WFDC1: variants seen among roughly 807,000 people sequenced by gnomAD.
The protein encoded by WFDC1 is WAP four-disulfide core domain protein 1.
In WFDC1, 39 loss-of-function variants were observed where a neutral mutation model predicts 32.9. The ratio of observed to expected loss-of-function variants is 1.19; its 90% CI spans 0.92 to 1.55. The LOEUF (loss-of-function observed/expected upper bound fraction) is 1.55, where lower values mean the gene tolerates loss of function less well. Among genes scored for constraint, WFDC1 ranks in the 40% most tolerant of loss-of-function variants. The probability of loss-of-function intolerance (pLI) is 0.00; values close to 1 mark genes in which losing one functional copy is unlikely to be tolerated. For missense variants in WFDC1, 386 were observed against 309.5 expected (o/e 1.25, Z -1.85); for synonymous variants, 184 against 137.4 (o/e 1.34, Z -2.37).
chr16:84,326,995 G>A, intron 6 of WFDC1, 40 bp downstream of exon 6: 1 of 1,606,100 alleles, frequency 6.2e-7, no homozygotes, highest in Non-Finnish European at 8.5e-7. Context: ...CAGGGTAAAT[G>A]TGGGCAGCCA....
At chr16:84,307,744 G>A (rs972380377) in intron 1 of WFDC1, among the ~76,000 whole-genome samples, 9 of 152,190 alleles carry the variant, frequency 5.9e-5, no homozygotes, top group East Asian at 1.9e-4. Flanking sequence ...ACCACCCTCC[G>A]AAGGAGGCTG....
At chr16:84,305,446 G>A (rs1020865071) in intron 1 of WFDC1, among the ~76,000 whole-genome samples, 8 of 152,226 alleles carry the variant, frequency 5.3e-5, no homozygotes, top group African/African-American at 1.9e-4. Context: ...GTCTTATCCA[G>A]AAATGATGAG....
rs150683526 is a variant in WFDC1 at position 84,297,617 on chromosome 16, C to CAAAAAAAA, written c.144+2525_144+2532dup. ...GGGCAACAAGAGTGAAACTCTGTCT[C>CAAAAAAAA]AAAAAAAAAAAAAAAAAAAAAAAAA... On this transcript the variant is annotated intron_variant, in intron 1 of 6. Coordinates refer to ENST00000219454, the MANE Select transcript of WFDC1 (RefSeq NM_021197.4). Among the ~76,000 whole-genome samples the CAAAAAAAA allele has an allele frequency of 1.2e-4, 8 of 69,458 alleles. 1 individual carries two copies. The highest frequency in any genetic ancestry group is 2.0e-4 in the Admixed American group (1 of 5,014). 45.6% of individuals were successfully genotyped at this position (69,458 alleles called of 152,430 possible). A position where few individuals can be genotyped will look rare whatever the true frequency, so the allele number is the denominator to read the frequency against.
At chr16:84,329,036 T>A (rs1471031886) in intron 6 of WFDC1, 1 of 152,102 alleles carries the variant, frequency 6.6e-6, no homozygotes, top group African/African-American at 2.4e-5. Flanking sequence ...TAGTAAATAA[T>A]TTCGGCTCTC....
Position 84,319,547 on chromosome 16 carries a change from T to C in WFDC1, c.538T>C (p.Cys180Arg). ...VAEGIPNRGQ[C>R]VKQRRQADGR... is the part of the protein sequence containing the mutation. ...CGAAGGTATCCCCAACCGTGGGCAG[T>C]GCGTCAAGCAGCGCCGGCAAGCAGG... Residue 180 changes from cysteine to arginine, a missense_variant, in exon 4 of 7, where the codon TGC (cysteine) becomes CGC (arginine). Physicochemically the swap from Cys to Arg is radical, Grantham distance 180 (BLOSUM62 -3). Transcript: ENST00000219454. 1 of 1,612,834 alleles carries C rather than the reference T, an allele frequency of 6.2e-7. No individual in the cohort carries two copies. Among genetic ancestry groups the C allele is most frequent in the East Asian group, 2.2e-5 (1 of 44,866 alleles).
rs191087880 is a variant in WFDC1, at chr16:84,306,728, C to G, written c.145-6233C>G. On this transcript the variant is annotated intron_variant, in intron 1 of 6. Transcript: ENST00000219454. ...CATGTTAAGCACTTAGAAGGGTGCCCAGCAAACTGCCAGGGTGTGTTGACC... is the reference window on the plus strand; with the variant it reads ...CATGTTAAGCACTTAGAAGGGTGCCGAGCAAACTGCCAGGGTGTGTTGACC... Among the ~76,000 whole-genome samples, 5 of 151,976 alleles carry G rather than the reference C, an allele frequency of 3.3e-5. No homozygotes were observed. In the East Asian group the frequency reaches 9.7e-4, roughly 29 times the overall value.
At chr16:84,322,160 C>CGTGCGTGT (rs1555546147) in intron 4 of WFDC1, among the ~76,000 whole-genome samples, 1 of 142,186 alleles carries the variant, frequency 7.0e-6, no homozygotes, top group Non-Finnish European at 1.5e-5. Context: ...TGTGTGTGTG[C>CGTGCGTGT]GTGTGTGTGT....
intron 4 of WFDC1, among the ~76,000 whole-genome samples, chr16:84,322,738 A>G (rs1320164334): frequency 6.6e-6 from 1 of 152,224 alleles, no homozygotes; most frequent in Non-Finnish European, 1.5e-5. Context: ...TTTATGCAAG[A>G]GGAAAATGAA....
intron 1 of WFDC1, among the ~76,000 whole-genome samples, chr16:84,306,457 C>T (rs751323153): frequency 6.6e-6 from 1 of 152,208 alleles, no homozygotes; most frequent in Non-Finnish European, 1.5e-5. Context: ...AGCAGCGAAT[C>T]CTCAGAAACT....
At chr16:84,316,234 C>T (rs946034624) in intron 2 of WFDC1, 4 of 152,178 alleles carry the variant, frequency 2.6e-5, no homozygotes, top group East Asian at 1.9e-4. Flanking sequence ...TCTGCTGTTC[C>T]AACTTCCATG....
rs2288028 is a variant in WFDC1, at chr16:84,319,356, T to A, written c.422-75T>A. 5.7e-5 allele frequency: 89 copies of A among 1,559,716 alleles called. No individual in the cohort carries two copies. The East Asian group carries it at 2.0e-3, about 35-fold the overall frequency. On this transcript the variant is annotated intron_variant, in intron 3 of 6. Transcript: ENST00000219454. ...GTTCCCTGCACCCGTCCCGGGAGTC[T>A]GCCTTCTAGACCCTAGCATGTGCAC... is the stretch of plus-strand genomic sequence containing the variant.
At chr16:84,301,008 A>G (rs1018597678) in intron 1 of WFDC1, among the ~76,000 whole-genome samples, 7 of 152,070 alleles carry the variant, frequency 4.6e-5, no homozygotes, top group African/African-American at 1.7e-4. Flanking sequence ...GAGACATAGA[A>G]TCAGAGACAC....
At chr16:84,319,266 T>C (rs966506143) in intron 3 of WFDC1, 165 bp from the exon 4 acceptor site, 6 of 870,872 alleles carry the variant, frequency 6.9e-6, no homozygotes, top group African/African-American at 6.8e-5. Flanking sequence ...TGCCGCTGAG[T>C]GAGACCCAGG....
chr16:84,326,803 G>A, intron 5 of WFDC1, 79 bp from the exon 6 acceptor site: 1 of 1,564,920 alleles, frequency 6.4e-7, no homozygotes, highest in Non-Finnish European at 8.8e-7. Flanking sequence ...GCTTCATTTG[G>A]CAGTTCCTGG....
chr16:84,329,086 TAG>T (rs1434286205), intron 6 of WFDC1: 18 of 152,034 alleles, frequency 1.2e-4, no homozygotes, highest in African/African-American at 4.4e-4. Context: ...GAACTGATGG[TAG>T]GGGAGGAGTT....
intron 1 of WFDC1, among the ~76,000 whole-genome samples, chr16:84,307,558 C>T (rs78098679): frequency 0.016 from 2,451 of 152,282 alleles, 61 homozygotes; most frequent in African/African-American, 0.056. Flanking sequence ...TGCGTACCCT[C>T]CCATCTGGGA....
intron 1 of WFDC1, among the ~76,000 whole-genome samples, chr16:84,310,709 G>A (rs1320463035): frequency 3.3e-5 from 5 of 152,114 alleles, no homozygotes; most frequent in Admixed American, 3.3e-4. Flanking sequence ...AAACACAGAT[G>A]GGGCAGAGCC....
intron 6 of WFDC1, chr16:84,328,652 T>G (rs1212402540): frequency 2.0e-5 from 3 of 152,210 alleles, no homozygotes; most frequent in African/African-American, 7.2e-5. Context: ...AGTTTGGAAG[T>G]TGAGGCTTTT....
At chr16:84,326,112 TC>T (rs1908583966) in intron 5 of WFDC1, 2 of 148,934 alleles carry the variant, frequency 1.3e-5, no homozygotes, top group Non-Finnish European at 3.0e-5. Context: ...CATCTATCCA[TC>T]CATCCATCCA....
Sources: allele counts gnomAD v4.1 joint callset (sites outside exome capture counted in the v4.1 genomes callset), GRCh38; gene constraint gnomAD v4.1.1; transcripts MANE v1.5; gene names NCBI Gene and HGNC (gene_info 2026-07-23, HGNC 2026-07-21).